ACO2: variants seen among roughly 807,000 people sequenced by gnomAD.
ACO2 encodes aconitate hydratase, mitochondrial.
In ACO2, 31 loss-of-function variants were observed where a neutral mutation model predicts 84.5. That is an observed-to-expected ratio of 0.37 (90% CI 0.28 to 0.50). ACO2 has a LOEUF of 0.50. ACO2 is among the 20% of genes least tolerant of loss of function. ACO2 has a pLI of 0.97. For missense variants in ACO2, 685 were observed against 1,029.3 expected (o/e 0.67, Z 4.58); for synonymous variants, 414 against 412.7 (o/e 1.00, Z -0.04).
chr22:41,474,546 G>C (rs1314547083), intron 1 of ACO2, among the ~76,000 whole-genome samples: 8 of 145,948 alleles, frequency 5.5e-5, no homozygotes, highest in Non-Finnish European at 1.2e-4. Context: ...GCCCGCCTCT[G>C]CCTCCCAAAG....
chr22:41,518,691 T>A, intron 8 of ACO2, 119 bp downstream of exon 8: 1 of 798,556 alleles, frequency 1.3e-6, no homozygotes, highest in Non-Finnish European at 2.1e-6. Flanking sequence ...CCCAGCACTT[T>A]GGGAGGCCAA....
chr22:41,501,708 G>A (rs2066354908), intron 2 of ACO2, among the ~76,000 whole-genome samples: 1 of 152,152 alleles, frequency 6.6e-6, no homozygotes, highest in Admixed American at 6.5e-5. Context: ...ACCATGCAGT[G>A]CATGAGTGGT....
intron 7 of ACO2, among the ~76,000 whole-genome samples, chr22:41,517,863 C>T (rs1569018635): frequency 6.6e-6 from 1 of 152,258 alleles, no homozygotes; most frequent in East Asian, 1.9e-4. Context: ...ATAGCCCCAC[C>T]TCAGGATGGG....
chr22:41,487,392 A>G (rs993125893), intron 1 of ACO2, among the ~76,000 whole-genome samples: 2 of 152,208 alleles, frequency 1.3e-5, no homozygotes, highest in Admixed American at 1.3e-4. Context: ...CTTCTCTCAC[A>G]TAGTCACTTA....
intron 2 of ACO2, among the ~76,000 whole-genome samples, chr22:41,500,291 T>C (rs2066344397): frequency 6.7e-6 from 1 of 150,200 alleles, no homozygotes; most frequent in South Asian, 2.1e-4. Context: ...GATGGGACCT[T>C]TTTAATTTAA....
chr22:41,509,741 C>T (rs2066420210), intron 3 of ACO2, among the ~76,000 whole-genome samples: 2 of 150,672 alleles, frequency 1.3e-5, no homozygotes, highest in Admixed American at 6.6e-5. Flanking sequence ...CAGCCAGGAA[C>T]GCGAGGGCTG....
chr22:41,500,338 T>G (rs1000567369), intron 2 of ACO2, among the ~76,000 whole-genome samples: 4 of 147,726 alleles, frequency 2.7e-5, no homozygotes, highest in Non-Finnish European at 6.0e-5. Context: ...TTATATATAT[T>G]TGAGGCAGAG....
At chr22:41,482,351 A>G (rs2038098470) in intron 1 of ACO2, among the ~76,000 whole-genome samples, 2 of 152,354 alleles carry the variant, frequency 1.3e-5, no homozygotes, top group East Asian at 1.9e-4. Flanking sequence ...GGCCTCTGCA[A>G]GTTCCCAGCT....
intron 10 of ACO2, 73 bp downstream of exon 10, chr22:41,523,060 G>C: frequency 6.3e-7 from 1 of 1,588,142 alleles, no homozygotes; most frequent in Non-Finnish European, 8.6e-7. Flanking sequence ...CACAAGCCCA[G>C]AGGCCTGTTG....
In ACO2 at chr22:41,498,641, C is replaced by A. The variant is rs185359042; in HGVS notation, c.37-1085C>A. 5.1e-4 allele frequency among the ~76,000 whole-genome samples: 77 copies of A among 152,260 alleles called. 1 individual carries two copies. The highest frequency in any genetic ancestry group is 6.8e-3 in the Middle Eastern group (2 of 294). On this transcript the variant is annotated intron_variant, in intron 1 of 17. Coordinates refer to ENST00000216254, the MANE Select transcript of ACO2 (RefSeq NM_001098.3). ...CTGTTCCTGTCTAGGTGGGCCTCTC[C>A]CAGGATTGCTTAACAATATGGGGAC...
intron 9 of ACO2, among the ~76,000 whole-genome samples, chr22:41,521,035 CAAAA>C (rs375633363): frequency 3.0e-3 from 247 of 81,622 alleles, no homozygotes; most frequent in African/African-American, 0.016. Flanking sequence ...AGCCTGCCTC[CAAAA>C]AAAAAAAAAA....
At chr22:41,521,452 ACTGT>A (rs931379677) in intron 9 of ACO2, 2 of 152,142 alleles carry the variant, frequency 1.3e-5, no homozygotes, top group African/African-American at 4.8e-5. Flanking sequence ...AAACTACTTC[ACTGT>A]CTATGTGTGG....
At chr22:41,505,698 G>C (rs918430774) in intron 2 of ACO2, among the ~76,000 whole-genome samples, 4 of 152,100 alleles carry the variant, frequency 2.6e-5, no homozygotes, top group South Asian at 2.1e-4. Context: ...ATAATGCTGA[G>C]CTGAAAGTAA....
In ACO2 at chr22:41,508,197, C is replaced by G. The variant is rs2066408561; in HGVS notation, c.432+148C>G. On this transcript the variant is annotated intron_variant, in intron 3 of 17. Transcript: ENST00000216254. ...TTTTAAAACTTGATTTTACTTGTTT[C>G]TCTTTCTAAAAATAGCACTTGCTCA... 3.6e-6 allele frequency: 4 copies of G among 1,108,718 alleles called. No homozygotes were observed. In the African/African-American group the frequency reaches 4.7e-5, roughly 13 times the overall value. 68.7% of individuals were successfully genotyped at this position (1,108,718 alleles called of 1,614,324 possible). A position where few individuals can be genotyped will look rare whatever the true frequency, so the allele number is the denominator to read the frequency against.
intron 9 of ACO2, among the ~76,000 whole-genome samples, chr22:41,520,887 A>G (rs979410076): frequency 6.6e-6 from 1 of 151,584 alleles, no homozygotes; most frequent in Non-Finnish European, 1.5e-5. Context: ...GCATGCCTAT[A>G]GTCCTAGCTA....
chr22:41,492,068 T>A (rs112206199), intron 1 of ACO2, among the ~76,000 whole-genome samples: 1 of 152,204 alleles, frequency 6.6e-6, no homozygotes, highest in African/African-American at 2.4e-5. Context: ...CTGACTTACC[T>A]CCCTGATCTC....
rs190839904 is a variant in ACO2, at chr22:41,477,347, G to C, written c.36+8165G>C. Reference sequence around the variant, plus strand: ...TTTTTGTATTTTTTTTTTTAGTAGAGATGGGGTTTCACGGTGTTAGCCAGG... The same window carrying C: ...TTTTTGTATTTTTTTTTTTAGTAGACATGGGGTTTCACGGTGTTAGCCAGG... On this transcript the variant is annotated intron_variant, in intron 1 of 17. Transcript: ENST00000216254. Among the ~76,000 whole-genome samples, 19 of 151,298 alleles carry C rather than the reference G, an allele frequency of 1.3e-4. No homozygotes were observed. The East Asian group carries it at 3.2e-3, about 25-fold the overall frequency.
At chr22:41,508,690 A>G (rs950441631) in intron 3 of ACO2, among the ~76,000 whole-genome samples, 8 of 152,066 alleles carry the variant, frequency 5.3e-5, no homozygotes, top group African/African-American at 4.8e-5. Context: ...CCACCCTTCT[A>G]TGAAATCGAG....
At chr22:41,510,846 T>C (rs1292759428) in intron 3 of ACO2, among the ~76,000 whole-genome samples, 1 of 152,218 alleles carries the variant, frequency 6.6e-6, no homozygotes, top group Non-Finnish European at 1.5e-5. Flanking sequence ...TGAAACCTCC[T>C]TTTCAGAACA....
Sources: gnomAD v4.1 joint callset for allele counts (sites outside exome capture counted in the v4.1 genomes callset) on GRCh38, gnomAD v4.1.1 for gene constraint, MANE v1.5 for transcripts, NCBI Gene and HGNC (gene_info 2026-07-23, HGNC 2026-07-21) for gene names.